Variants in WWOX observed in about 807,000 individuals in gnomAD.
WWOX encodes WW domain-containing oxidoreductase.
Under a neutral mutation model 46.2 loss-of-function variants are expected in WWOX, and 69 were observed. The observed-to-expected ratio is 1.49, with a 90% CI of 1.23 to 1.82. The LOEUF is 1.82. WWOX is among the 40% of genes most tolerant of loss of function. The pLI is 0.00. For missense variants in WWOX, 919 were observed against 542.6 expected (o/e 1.69, Z -6.89); for synonymous variants, 359 against 202.6 (o/e 1.77, Z -6.56).
intron 8 of WWOX, among the ~76,000 whole-genome samples, chr16:79,108,630 G>A (rs2049355811): frequency 6.6e-6 from 1 of 152,200 alleles, no homozygotes; most frequent in Non-Finnish European, 1.5e-5. Context: ...ATTCGGGCAT[G>A]GTGGCTCAAG....
At chr16:78,116,885 G>C (rs2032822329) in intron 4 of WWOX, among the ~76,000 whole-genome samples, 1 of 152,158 alleles carries the variant, frequency 6.6e-6, no homozygotes, top group African/African-American at 2.4e-5. Context: ...TTTGTGTTAA[G>C]TGTTCGAACT....
intron 8 of WWOX, among the ~76,000 whole-genome samples, chr16:78,647,544 C>T (rs1438847238): frequency 6.6e-6 from 1 of 152,182 alleles, no homozygotes; most frequent in African/African-American, 2.4e-5. Flanking sequence ...AGCCTAATCT[C>T]CATCTTCTCA....
chr16:79,199,737 G>C (rs1377550173), intron 8 of WWOX, among the ~76,000 whole-genome samples: 4 of 152,160 alleles, frequency 2.6e-5, no homozygotes, highest in African/African-American at 9.7e-5. Flanking sequence ...TGTACTGGTA[G>C]AGGACAGATT....
intron 6 of WWOX, among the ~76,000 whole-genome samples, chr16:78,389,033 G>C (rs1324168524): frequency 6.6e-6 from 1 of 151,960 alleles, no homozygotes. Flanking sequence ...AAGTCACTGA[G>C]GTCTACATTA....
intron 5 of WWOX, among the ~76,000 whole-genome samples, chr16:78,286,722 A>T (rs1488989920): frequency 6.6e-6 from 1 of 152,188 alleles, no homozygotes; most frequent in Non-Finnish European, 1.5e-5. Flanking sequence ...AAATACAATG[A>T]ATCCACAAAC....
rs2081140572 is a variant in WWOX at position 78,348,975 on chromosome 16, T to C, written c.517-37885T>C. On this transcript the variant is annotated intron_variant, in intron 5 of 8. Coordinates refer to ENST00000566780, the MANE Select transcript of WWOX (RefSeq NM_016373.4). ...GTCTGAACGAGGGCCACATTGCAGA[T>C]AGAGGCCGGTGTACTGGTCTGCTCA... Among the ~76,000 whole-genome samples, 4 of 120,328 alleles carry C rather than the reference T, an allele frequency of 3.3e-5. 2 individuals are homozygous for C. Among genetic ancestry groups the C allele is most frequent in the African/African-American group, 5.7e-5 (2 of 35,394 alleles). The allele number at this position is 120,328 out of a possible 152,430, so 78.9% of individuals were successfully genotyped here. A position where few individuals can be genotyped will look rare whatever the true frequency, so the allele number is the denominator to read the frequency against.
intron 8 of WWOX, among the ~76,000 whole-genome samples, chr16:79,029,595 C>T (rs776496332): frequency 3.9e-5 from 6 of 152,126 alleles, no homozygotes; most frequent in Admixed American, 6.6e-5. Context: ...CCTCCTCCTA[C>T]CCCACAAAGA....
chr16:78,729,252 G>C (rs1200807671), intron 8 of WWOX, among the ~76,000 whole-genome samples: 4 of 151,914 alleles, frequency 2.6e-5, no homozygotes, highest in Non-Finnish European at 5.9e-5. Context: ...TGAGGTGGGA[G>C]GATTGCTTAA....
At chr16:78,517,797 G>A (rs956928276) in intron 8 of WWOX, among the ~76,000 whole-genome samples, 1 of 147,666 alleles carries the variant, frequency 6.8e-6, no homozygotes, top group African/African-American at 2.5e-5. Flanking sequence ...TGGATTAAGA[G>A]TGATGTCGTT....
At chr16:78,697,511 A>G (rs2048126458) in intron 8 of WWOX, among the ~76,000 whole-genome samples, 1 of 152,176 alleles carries the variant, frequency 6.6e-6, no homozygotes, top group African/African-American at 2.4e-5. Flanking sequence ...ATACGTCTAT[A>G]CAAGGACTAA....
chr16:78,814,436 C>T (rs1321927106), intron 8 of WWOX, among the ~76,000 whole-genome samples: 3 of 151,130 alleles, frequency 2.0e-5, no homozygotes, highest in Non-Finnish European at 4.4e-5. Context: ...CTAATAAAAC[C>T]ACTGTGTGAT....
intron 8 of WWOX, chr16:78,535,537 G>T (rs765691095): frequency 6.6e-6 from 1 of 152,198 alleles, no homozygotes; most frequent in Non-Finnish European, 1.5e-5. Flanking sequence ...GACGACAGAA[G>T]AACCCTTAGA....
intron 8 of WWOX, among the ~76,000 whole-genome samples, chr16:79,148,723 C>G (rs192332531): frequency 6.6e-6 from 1 of 152,142 alleles, no homozygotes; most frequent in Admixed American, 6.5e-5. Context: ...GTATGTAATT[C>G]TATTTATTTA....
chr16:78,639,478 G>C (rs2046651844), intron 8 of WWOX, among the ~76,000 whole-genome samples: 1 of 152,188 alleles, frequency 6.6e-6, no homozygotes, highest in Non-Finnish European at 1.5e-5. Context: ...GTTCATTGCT[G>C]AGAATAAACC....
chr16:79,194,932 G>C (rs1264852963), intron 8 of WWOX, among the ~76,000 whole-genome samples: 1 of 152,068 alleles, frequency 6.6e-6, no homozygotes, highest in Non-Finnish European at 1.5e-5. Flanking sequence ...GAACCATGCA[G>C]GCAGAATGAG....
intron 8 of WWOX, among the ~76,000 whole-genome samples, chr16:78,668,561 C>T (rs770090910): frequency 4.6e-5 from 7 of 152,042 alleles, no homozygotes; most frequent in Non-Finnish European, 7.4e-5. Context: ...TGGCAAGGGG[C>T]GTGACAAAGT....
rs143649013 is a variant in WWOX, at chr16:78,773,947, A to T, written c.1056+341195A>T. On this transcript the variant is annotated intron_variant, in intron 8 of 8. Coordinates refer to ENST00000566780, the MANE Select transcript of WWOX (RefSeq NM_016373.4). ...TTTCCCAGGCCCTTCATGGAATTTG[A>T]AAACATGACTCTGAAAGCATGTGGC... 6.0e-3 allele frequency among the ~76,000 whole-genome samples: 916 copies of T among 152,326 alleles called. 4 individuals are homozygous for T. The highest frequency in any genetic ancestry group is 0.021 in the African/African-American group (878 of 41,580).
chr16:78,679,485 A>G (rs992052125), intron 8 of WWOX, among the ~76,000 whole-genome samples: 55 of 152,184 alleles, frequency 3.6e-4, no homozygotes, highest in Non-Finnish European at 5.0e-4. Context: ...CGGGGGGCAG[A>G]GGTTGCAGTG....
intron 8 of WWOX, among the ~76,000 whole-genome samples, chr16:79,001,528 C>T (rs1332736360): frequency 2.6e-5 from 4 of 152,128 alleles, no homozygotes; most frequent in East Asian, 1.9e-4. Context: ...AGTCGAAGTA[C>T]ATTTTGCCCA....
Sources: gnomAD v4.1 joint callset for allele counts (sites outside exome capture counted in the v4.1 genomes callset) on GRCh38, gnomAD v4.1.1 for gene constraint, MANE v1.5 for transcripts, NCBI Gene and HGNC (gene_info 2026-07-23, HGNC 2026-07-21) for gene names.